The following STX18 variants were observed in gnomAD, a reference collection of about 807,000 sequenced individuals.
STX18 encodes syntaxin 18, also known as syntaxin-18.
Under a neutral mutation model 50.1 loss-of-function variants are expected in STX18, and 40 were observed. The ratio of observed to expected loss-of-function variants is 0.80; its 90% CI spans 0.62 to 1.04. The LOEUF (loss-of-function observed/expected upper bound fraction) is 1.04, where lower values mean the gene tolerates loss of function less well. Among genes scored for constraint, STX18 ranks in the 50% least tolerant of loss-of-function variants. The probability of loss-of-function intolerance (pLI) is 0.00; values close to 1 mark genes in which losing one functional copy is unlikely to be tolerated. For synonymous variants in STX18, 158 were observed against 151.8 expected, an observed-to-expected ratio of 1.04 and a Z score of -0.30; for missense variants, 410 against 415.8, an observed-to-expected ratio of 0.99 and a Z score of 0.12.
chr4:4,498,408 A>T (rs1729286095), intron 1 of STX18, among the ~76,000 whole-genome samples: 1 of 152,206 alleles, frequency 6.6e-6, no homozygotes, highest in South Asian at 2.1e-4. Flanking sequence ...ACTATATCTT[A>T]AAACACTAAA....
intron 1 of STX18, among the ~76,000 whole-genome samples, chr4:4,517,767 GTT>G (rs921673854): frequency 1.4e-5 from 2 of 146,866 alleles, no homozygotes; most frequent in Admixed American, 1.4e-4. Context: ...CTTTATAAGT[GTT>G]TTTTTTTTCT....
intron 1 of STX18, among the ~76,000 whole-genome samples, chr4:4,520,028 C>A (rs1157943360): frequency 6.6e-6 from 1 of 152,058 alleles, no homozygotes; most frequent in African/African-American, 2.4e-5. Context: ...ATTACAAATT[C>A]CAGTTACAAC....
intron 5 of STX18, among the ~76,000 whole-genome samples, chr4:4,455,480 G>C (rs1405353100): frequency 1.3e-5 from 2 of 152,252 alleles, no homozygotes; most frequent in Non-Finnish European, 2.9e-5. Context: ...GCTATCCTTA[G>C]AAAGGCCTGC....
At chr4:4,443,468 G>GT (rs2093953223) in intron 5 of STX18, among the ~76,000 whole-genome samples, 1 of 152,226 alleles carries the variant, frequency 6.6e-6, no homozygotes, top group Non-Finnish European at 1.5e-5. Context: ...AAGCCTAAGT[G>GT]TTTTCCCTAG....
At chr4:4,541,586 A>G (rs1248122795) in intron 1 of STX18, among the ~76,000 whole-genome samples, 1 of 151,894 alleles carries the variant, frequency 6.6e-6, no homozygotes, top group Admixed American at 6.6e-5. Context: ...CCGCAGGAGA[A>G]ATCTGTTCCC....
chr4:4,439,226 C>T (rs1725963443), intron 5 of STX18, among the ~76,000 whole-genome samples: 1 of 113,294 alleles, frequency 8.8e-6, no homozygotes, highest in Non-Finnish European at 1.6e-5. Flanking sequence ...ATATCCCCCA[C>T]ATATACACAC....
At chr4:4,450,597 T>A (rs1446062569) in intron 5 of STX18, among the ~76,000 whole-genome samples, 1 of 152,174 alleles carries the variant, frequency 6.6e-6, no homozygotes, top group African/African-American at 2.4e-5. Flanking sequence ...AGCCACTACA[T>A]CCAGCCTCCT....
At chr4:4,504,534 T>C (rs1729605779) in intron 1 of STX18, among the ~76,000 whole-genome samples, 1 of 152,158 alleles carries the variant, frequency 6.6e-6, no homozygotes, top group South Asian at 2.1e-4. Flanking sequence ...TGAAGTTAAA[T>C]GGGAGACTAA....
chr4:4,538,681 T>C (rs905330169), intron 1 of STX18, among the ~76,000 whole-genome samples: 1 of 152,068 alleles, frequency 6.6e-6, no homozygotes, highest in African/African-American at 2.4e-5. Context: ...GTGAGTTAAG[T>C]AGGGTATTAT....
chr4:4,509,492 A>T (rs2108890142), intron 1 of STX18, among the ~76,000 whole-genome samples: 1 of 152,132 alleles, frequency 6.6e-6, no homozygotes, highest in South Asian at 2.1e-4. Flanking sequence ...GAAAATTTTC[A>T]CCCATTCTTG....
intron 4 of STX18, 54 bp downstream of exon 4, chr4:4,457,369 G>A: frequency 1.3e-6 from 2 of 1,566,864 alleles, no homozygotes; most frequent in Non-Finnish European, 8.8e-7. Context: ...GCTAAATTCT[G>A]CATCACATCT....
rs1306730606 is a variant in STX18, at chr4:4,541,990, C to G, written c.-26G>C. 8 of 1,558,448 alleles carry G rather than the reference C, an allele frequency of 5.1e-6. No homozygotes were observed. The South Asian group carries it at 7.1e-5, about 14-fold the overall frequency. ...AGCGACCCGCACCCTCAGCCCCACACTAGGCCCGCCCACGTAAGCAGCCGG... is the reference window on the plus strand; with the variant it reads ...AGCGACCCGCACCCTCAGCCCCACAGTAGGCCCGCCCACGTAAGCAGCCGG... On this transcript the variant is annotated 5_prime_UTR_variant, in exon 1 of 11. Transcript: ENST00000306200.
chr4:4,483,075 A>G (rs1410826228), intron 1 of STX18, among the ~76,000 whole-genome samples: 4 of 152,196 alleles, frequency 2.6e-5, no homozygotes, highest in African/African-American at 9.6e-5. Context: ...TTCTTACTGC[A>G]GAGAGTCTCA....
chr4:4,488,788 G>A (rs1728807040), intron 1 of STX18, among the ~76,000 whole-genome samples: 1 of 152,140 alleles, frequency 6.6e-6, no homozygotes, highest in Admixed American at 6.5e-5. Flanking sequence ...ACAAGGGGAG[G>A]GGGTGGCCCT....
At chr4:4,535,949 A>G (rs971620949) in intron 1 of STX18, among the ~76,000 whole-genome samples, 1 of 152,256 alleles carries the variant, frequency 6.6e-6, no homozygotes, top group Non-Finnish European at 1.5e-5. Flanking sequence ...TGGCACAGAA[A>G]GTCAACACTG....
chr4:4,440,367 T>C (rs1302610924), intron 5 of STX18, among the ~76,000 whole-genome samples: 1 of 152,234 alleles, frequency 6.6e-6, no homozygotes, highest in African/African-American at 2.4e-5. Flanking sequence ...AACAACCTTT[T>C]AACAAAGGAG....
At chr4:4,441,456 T>C (rs1477183835) in intron 5 of STX18, among the ~76,000 whole-genome samples, 4 of 152,222 alleles carry the variant, frequency 2.6e-5, no homozygotes, top group African/African-American at 9.6e-5. Flanking sequence ...CATGATAATG[T>C]ACCTCATTTA....
intron 1 of STX18, among the ~76,000 whole-genome samples, chr4:4,515,352 G>A (rs550767187): frequency 7.7e-4 from 117 of 152,178 alleles, no homozygotes; most frequent in South Asian, 2.3e-3. Context: ...TACCACATAA[G>A]CAGTTCTAAA....
intron 5 of STX18, among the ~76,000 whole-genome samples, chr4:4,456,851 G>C (rs1219852357): frequency 6.6e-6 from 1 of 152,216 alleles, no homozygotes; most frequent in Non-Finnish European, 1.5e-5. Flanking sequence ...AAATGGGCAA[G>C]AGCACAGATT....
Sources: gnomAD v4.1 joint callset for allele counts (sites outside exome capture counted in the v4.1 genomes callset) on GRCh38, gnomAD v4.1.1 for gene constraint, MANE v1.5 for transcripts, NCBI Gene and HGNC (gene_info 2026-07-23, HGNC 2026-07-21) for gene names.